The following XDH variants were observed in gnomAD, a reference collection of about 807,000 sequenced individuals.
XDH encodes xanthine dehydrogenase/oxidase.
XDH carries 138 observed loss-of-function variants against 156.1 expected under a neutral mutation model. The observed-to-expected ratio is 0.88, with a 90% confidence interval of 0.77 to 1.02. The LOEUF is 1.02. Ranked by LOEUF, XDH falls within the 50% of genes least tolerant of loss-of-function variation. The pLI, the probability that XDH is intolerant of heterozygous loss-of-function variation, is 0.00. For missense variants in XDH, 1,849 were observed against 1,684.9 expected (o/e 1.10, Z -1.71); for synonymous variants, 669 against 625.7 (o/e 1.07, Z -1.03).
rs375950132 is a variant in XDH, at chr2:31,381,724, G to A, written c.1041C>T (p.Ser347=). ...FAGKQVKSVA[S]VGGNIITASP... is the part of the protein sequence containing the mutation. ...TGGCAGTGATGATGTTCCCTCCAAC[G>A]GACTAAAACAAGCAGAGAGCATGCA... is the stretch of plus-strand genomic sequence containing the variant. The change falls in exon 12 of 36, where the codon TCC becomes TCT. Residue 347 remains serine (S), a splice_region_variant and synonymous_variant. Transcript: ENST00000379416. 99 of 1,612,780 alleles carry A rather than the reference G, an allele frequency of 6.1e-5. No individual in the cohort carries two copies. In the South Asian group the frequency reaches 7.4e-4, roughly 12 times the overall value.
In XDH at chr2:31,403,067, G is replaced by T. The variant is rs184424277; in HGVS notation, c.178C>A (p.Arg60Ser). ...GGATACACGATCTTGTTCTGCAGACGATCATACTTGGAGAGCATCACTGTG... is the reference window on the plus strand; with the variant it reads ...GGATACACGATCTTGTTCTGCAGACTATCATACTTGGAGAGCATCACTGTG... ...ACTVMLSKYD[R>S]LQNKIVHFSA... Residue 60 changes from arginine (R) to serine (S), a missense_variant, in exon 3 of 36, where the codon CGT (arginine) becomes AGT (serine). Physicochemically the swap from Arg to Ser is moderately radical, Grantham distance 110 (BLOSUM62 -1). Transcript: ENST00000379416. 6 of 1,614,146 alleles carry T rather than the reference G, an allele frequency of 3.7e-6. No homozygotes were observed. Among genetic ancestry groups the T allele is most frequent in the Non-Finnish European group, 5.1e-6 (6 of 1,180,026 alleles).
intron 34 of XDH, among the ~76,000 whole-genome samples, chr2:31,339,064 G>A (rs949911025): frequency 6.6e-6 from 1 of 151,996 alleles, no homozygotes; most frequent in Non-Finnish European, 1.5e-5. Context: ...ACTGAAGGAG[G>A]TAAAAGGGTG....
chr2:31,398,570 T>A lies in XDH; in HGVS notation c.433+3A>T. 5 of 1,613,898 alleles carry A rather than the reference T, an allele frequency of 3.1e-6. No homozygotes were observed. Among genetic ancestry groups the A allele is most frequent in the Non-Finnish European group, 4.2e-6 (5 of 1,179,830 alleles). On this transcript the variant is annotated splice_donor_region_variant and intron_variant, in intron 5 of 35. Coordinates refer to ENST00000379416, the MANE Select transcript of XDH (RefSeq NM_000379.4). Reference sequence around the variant, plus strand: ...CTCCTAGGCTGTGCCTGAAGGCCCATACCTTGGAAGGCATTCTCAATCTCC... The same window carrying A: ...CTCCTAGGCTGTGCCTGAAGGCCCAAACCTTGGAAGGCATTCTCAATCTCC...
At chr2:31,380,687 C>T (rs1355817925) in intron 12 of XDH, among the ~76,000 whole-genome samples, 1 of 152,202 alleles carries the variant, frequency 6.6e-6, no homozygotes, top group Non-Finnish European at 1.5e-5. Flanking sequence ...ACTTTGCTCC[C>T]ATGTATCTTT....
Position 31,388,076 on chromosome 2 carries a change from C to T in XDH, c.564+151G>A, listed in dbSNP as rs182427914. The T allele has an allele frequency of 3.8e-4, 402 of 1,056,850 alleles. 1 individual carries two copies. The highest frequency in any genetic ancestry group is 3.7e-3 in the African/African-American group (237 of 63,914). The allele number at this position is 1,056,850 out of a possible 1,614,324, so 65.5% of individuals were successfully genotyped here. A position where few individuals can be genotyped will look rare whatever the true frequency, so the allele number is the denominator to read the frequency against. ...TCTCAGTTACAGGACCCGGGGCTAA[C>T]GTGCACCATCACCATCCCCACAGTC... On this transcript the variant is annotated intron_variant, in intron 7 of 35. Transcript: ENST00000379416.
At chr2:31,406,356 C>A (rs1687191425) in intron 1 of XDH, among the ~76,000 whole-genome samples, 1 of 152,288 alleles carries the variant, frequency 6.6e-6, no homozygotes, top group Middle Eastern at 3.4e-3. Flanking sequence ...CCCCAGAAGC[C>A]AAGCACATGC....
chr2:31,382,097 A>G (rs1686450874), intron 11 of XDH, among the ~76,000 whole-genome samples: 1 of 152,208 alleles, frequency 6.6e-6, no homozygotes, highest in Non-Finnish European at 1.5e-5. Context: ...AGGAAGACTT[A>G]AGGTTGAACA....
chr2:31,407,890 G>A (rs1326111917), intron 1 of XDH, among the ~76,000 whole-genome samples: 2 of 152,032 alleles, frequency 1.3e-5, no homozygotes, highest in East Asian at 1.9e-4. Context: ...TCAATATCCT[G>A]GTTACAAATC....
At chr2:31,338,029 C>T (rs775299029) in intron 34 of XDH, among the ~76,000 whole-genome samples, 3 of 152,146 alleles carry the variant, frequency 2.0e-5, no homozygotes, top group South Asian at 2.1e-4. Context: ...ATGACTGGAC[C>T]GCATGGACAT....
chr2:31,372,567 G>T (rs1330575804), intron 16 of XDH, among the ~76,000 whole-genome samples, 170 bp from the exon 17 acceptor site: 1 of 152,244 alleles, frequency 6.6e-6, no homozygotes, highest in African/African-American at 2.4e-5. Flanking sequence ...ATAAGTGATA[G>T]CAAGGGTGGT....
chr2:31,361,789 A>G (rs1685787385), intron 24 of XDH, among the ~76,000 whole-genome samples: 1 of 152,196 alleles, frequency 6.6e-6, no homozygotes, highest in Non-Finnish European at 1.5e-5. Context: ...GTTTTGAGGT[A>G]GGTCAAATAT....
At chr2:31,376,421 GTA>G (rs1369069232) in intron 14 of XDH, among the ~76,000 whole-genome samples, 1 of 149,234 alleles carries the variant, frequency 6.7e-6, no homozygotes, top group African/African-American at 2.4e-5. Flanking sequence ...AGCAATACTA[GTA>G]GCAATAGTAA....
Position 31,335,135 on chromosome 2 carries a change from T to C in XDH, c.*823A>G, listed in dbSNP as rs886055945. 2.0e-5 allele frequency: 3 copies of C among 152,186 alleles called. No individual in the cohort carries two copies. The highest frequency in any genetic ancestry group is 2.9e-5 in the Non-Finnish European group (2 of 68,058). The allele number at this position is 152,186 out of a possible 1,614,324, so 9.4% of individuals were successfully genotyped here. On this transcript the variant is annotated 3_prime_UTR_variant, in exon 36 of 36. Transcript: ENST00000379416. ...ATTCTCCTGCCTTAGCCTCCCAAAG[T>C]GCTGGGATTATAGGGGTGAGCCACC...
At position 31,387,806 on chromosome 2, in the gene XDH, C is replaced by T; in HGVS notation, c.651+5G>A. ...GGCTGGATCTGTCCCTGAGGCATCA[C>T]CTACCAGCAACTCTGGGGGAAAAAT... On this transcript the variant is annotated splice_donor_5th_base_variant and intron_variant, in intron 8 of 35. Coordinates refer to ENST00000379416, the MANE Select transcript of XDH (RefSeq NM_000379.4). The T allele has an allele frequency of 6.3e-7, 1 of 1,575,274 alleles. No individual in the cohort carries two copies. The highest frequency in any genetic ancestry group is 8.6e-7 in the Non-Finnish European group (1 of 1,160,102).
chr2:31,351,324 A>T (rs1179275276), intron 24 of XDH, among the ~76,000 whole-genome samples: 1 of 152,106 alleles, frequency 6.6e-6, no homozygotes, highest in Admixed American at 6.5e-5. Context: ...TGTACTTATT[A>T]CTAAGCCAAC....
chr2:31,409,599 T>C (rs1360388768), intron 1 of XDH, among the ~76,000 whole-genome samples: 1 of 152,142 alleles, frequency 6.6e-6, no homozygotes, highest in African/African-American at 2.4e-5. Context: ...AGGACTTGAA[T>C]AGACATTTCT....
At chr2:31,357,628 A>G (rs1685660062) in intron 24 of XDH, among the ~76,000 whole-genome samples, 1 of 142,760 alleles carries the variant, frequency 7.0e-6, no homozygotes, top group Non-Finnish European at 1.6e-5. Context: ...CATCTAGCAT[A>G]CAGTAGAACA....
chr2:31,371,557 G>A (rs1424545777), intron 17 of XDH, among the ~76,000 whole-genome samples: 1 of 152,218 alleles, frequency 6.6e-6, no homozygotes, highest in Non-Finnish European at 1.5e-5. Flanking sequence ...TTGCTTGGAT[G>A]GAGGTGGTTT....
At chr2:31,383,904 C>G (rs1558305930) in intron 9 of XDH, 57 bp from the exon 10 acceptor site, 3 of 1,504,412 alleles carry the variant, frequency 2.0e-6, no homozygotes, top group Non-Finnish European at 9.2e-7. Context: ...CCAGGGCAGG[C>G]CTTAGCAGCT....
Sources: allele counts gnomAD v4.1 joint callset (sites outside exome capture counted in the v4.1 genomes callset), GRCh38; gene constraint gnomAD v4.1.1; transcripts MANE v1.5; gene names NCBI Gene and HGNC (gene_info 2026-07-23, HGNC 2026-07-21).